Variants in SLIT3 observed in about 807,000 individuals in gnomAD.
The protein encoded by SLIT3 is slit homolog 3 protein.
A neutral mutation model predicts 184.0 loss-of-function variants in SLIT3; 68 were observed. The observed-to-expected ratio is 0.37, with a 90% CI of 0.30 to 0.45. SLIT3 has a LOEUF of 0.45. Among genes scored for constraint, SLIT3 ranks in the 20% least tolerant of loss-of-function variants. The probability of loss-of-function intolerance (pLI) is 1.00; values close to 1 mark genes in which losing one functional copy is unlikely to be tolerated. For missense variants in SLIT3, 1,707 were observed against 2,026.0 expected, an observed-to-expected ratio of 0.84 and a Z score of 3.02; for synonymous variants, 831 against 828.6, an observed-to-expected ratio of 1.00 and a Z score of -0.05.
chr5:168,764,063 T>C (rs962119453), intron 14 of SLIT3, among the ~76,000 whole-genome samples: 2 of 152,214 alleles, frequency 1.3e-5, no homozygotes, highest in Non-Finnish European at 2.9e-5. Flanking sequence ...TCTCTCCATG[T>C]AAAATGGGAA....
intron 6 of SLIT3, among the ~76,000 whole-genome samples, chr5:168,834,432 C>T (rs1757975563): frequency 6.6e-6 from 1 of 152,044 alleles, no homozygotes; most frequent in Non-Finnish European, 1.5e-5. Flanking sequence ...TGGCTCATGC[C>T]TGTAATCCCA....
intron 5 of SLIT3, among the ~76,000 whole-genome samples, chr5:168,869,680 A>G (rs1037309176): frequency 6.6e-6 from 1 of 152,208 alleles, no homozygotes; most frequent in Non-Finnish European, 1.5e-5. Flanking sequence ...ATTAGCAGAA[A>G]GAGGAGTACA....
Position 168,844,578 on chromosome 5 carries a change from A to T in SLIT3, c.557+6T>A. 1 of 1,613,944 alleles carries T rather than the reference A, an allele frequency of 6.2e-7. No individual in the cohort carries two copies. The highest frequency in any genetic ancestry group is 8.5e-7 in the Non-Finnish European group (1 of 1,179,898). ...ACACAAGGCAGCGATCGCAAAATCA[A>T]CTCACAGGATCTCCAAATCGCGCAG... On this transcript the variant is annotated splice_donor_region_variant and intron_variant, in intron 6 of 35. Coordinates refer to ENST00000519560, the MANE Select transcript of SLIT3 (RefSeq NM_003062.4).
chr5:168,808,275 G>A (rs964185352), intron 8 of SLIT3, among the ~76,000 whole-genome samples: 3 of 151,980 alleles, frequency 2.0e-5, no homozygotes, highest in Admixed American at 6.6e-5. Flanking sequence ...TTATACTTCT[G>A]AGAAAGTGGC....
At chr5:168,733,746 A>C (rs1763351638) in intron 20 of SLIT3, among the ~76,000 whole-genome samples, 1 of 152,004 alleles carries the variant, frequency 6.6e-6, no homozygotes, top group African/African-American at 2.4e-5. Flanking sequence ...GTATACCTAC[A>C]TAACAAACCT....
chr5:169,209,192 T>A (rs1227916232), intron 3 of SLIT3, among the ~76,000 whole-genome samples: 1 of 151,952 alleles, frequency 6.6e-6, no homozygotes, highest in East Asian at 1.9e-4. Flanking sequence ...CCAACAAACA[T>A]ATGAAAAAAA....
chr5:168,870,674 C>T (rs536152615), intron 5 of SLIT3, among the ~76,000 whole-genome samples: 3 of 152,314 alleles, frequency 2.0e-5, no homozygotes, highest in African/African-American at 7.2e-5. Context: ...TATGAGTAGA[C>T]CTGAAAGATT....
In SLIT3 at chr5:169,198,988, A is replaced by ATT. The variant is rs1763829603; in HGVS notation, c.342-5440_342-5439dup. On this transcript the variant is annotated intron_variant, in intron 3 of 35. Coordinates refer to ENST00000519560, the MANE Select transcript of SLIT3 (RefSeq NM_003062.4). Reference sequence around the variant, plus strand: ...CACACACACACACATATGTGTGTATATTTATATATATATATATAAATACAC... The same window carrying ATT: ...CACACACACACACATATGTGTGTATATTTTTATATATATATATATAAATACAC... Among the ~76,000 whole-genome samples, 15 of 138,832 alleles carry ATT rather than the reference A, an allele frequency of 1.1e-4. No homozygotes were observed. In the South Asian group the frequency reaches 3.0e-3, roughly 27 times the overall value. 91.1% of individuals were successfully genotyped at this position (138,832 alleles called of 152,430 possible).
intron 32 of SLIT3, among the ~76,000 whole-genome samples, chr5:168,682,129 G>A (rs550124352): frequency 1.3e-5 from 2 of 152,334 alleles, no homozygotes; most frequent in East Asian, 1.9e-4. Flanking sequence ...AGGCTCTAGG[G>A]AGACCACCAG....
chr5:169,249,791 G>A (rs1159719700), intron 2 of SLIT3, among the ~76,000 whole-genome samples: 1 of 152,250 alleles, frequency 6.6e-6, no homozygotes, highest in Admixed American at 6.5e-5. Context: ...TTACTTGACA[G>A]ATACATGGCT....
intron 6 of SLIT3, among the ~76,000 whole-genome samples, chr5:168,835,477 C>CAA (rs558345211): frequency 9.8e-5 from 13 of 133,286 alleles, no homozygotes; most frequent in Non-Finnish European, 1.3e-4. Flanking sequence ...TCCCTTACTT[C>CAA]AAAAAAAAAA....
chr5:169,120,859 C>T (rs1263374186), intron 4 of SLIT3, among the ~76,000 whole-genome samples: 1 of 152,142 alleles, frequency 6.6e-6, no homozygotes, highest in Non-Finnish European at 1.5e-5. Flanking sequence ...TTCCTTCTTC[C>T]TGCTTTAGAG....
At chr5:168,961,337 A>G (rs1160803886) in intron 4 of SLIT3, among the ~76,000 whole-genome samples, 1 of 152,242 alleles carries the variant, frequency 6.6e-6, no homozygotes, top group Non-Finnish European at 1.5e-5. Flanking sequence ...GTCTGAGTGC[A>G]CTGATGAACA....
At chr5:168,779,355 G>A (rs748031827) in intron 12 of SLIT3, among the ~76,000 whole-genome samples, 24 of 152,146 alleles carry the variant, frequency 1.6e-4, no homozygotes, top group African/African-American at 4.8e-4. Flanking sequence ...TCAACGCAGC[G>A]GGTGATTTTA....
chr5:168,991,140 T>C (rs372170960), intron 4 of SLIT3, among the ~76,000 whole-genome samples: 50 of 152,328 alleles, frequency 3.3e-4, no homozygotes, highest in African/African-American at 1.2e-3. Flanking sequence ...ATCAAGAATA[T>C]CTAACTATAG....
At chr5:168,774,446 C>A (rs530827328) in intron 12 of SLIT3, 68 bp from the exon 13 acceptor site, 3 of 1,500,052 alleles carry the variant, frequency 2.0e-6, no homozygotes, top group Admixed American at 2.0e-5. Flanking sequence ...AGGGTTGCAC[C>A]TGCAGGGGAT....
intron 23 of SLIT3, among the ~76,000 whole-genome samples, chr5:168,717,026 G>T (rs2113349037): frequency 7.4e-6 from 1 of 134,372 alleles, no homozygotes; most frequent in African/African-American, 3.0e-5. Context: ...TGACTTCAGG[G>T]CCTCTGTCCA....
At chr5:168,807,513 A>G (rs1757011584) in intron 8 of SLIT3, among the ~76,000 whole-genome samples, 1 of 152,142 alleles carries the variant, frequency 6.6e-6, no homozygotes, top group South Asian at 2.1e-4. Flanking sequence ...TTTTGGTCCA[A>G]AACAGAAGCC....
chr5:168,873,199 A>T (rs1759600177), intron 5 of SLIT3, among the ~76,000 whole-genome samples: 1 of 152,132 alleles, frequency 6.6e-6, no homozygotes, highest in South Asian at 2.1e-4. Flanking sequence ...ATCCCGCTGT[A>T]GCCTTGCCAT....
Sources: gnomAD v4.1 joint callset for allele counts (sites outside exome capture counted in the v4.1 genomes callset) on GRCh38, gnomAD v4.1.1 for gene constraint, MANE v1.5 for transcripts, NCBI Gene and HGNC (gene_info 2026-07-23, HGNC 2026-07-21) for gene names.